DNAH6: variants seen among roughly 807,000 people sequenced by gnomAD.
The protein encoded by DNAH6 is axonemal beta dynein heavy chain 6.
A neutral mutation model predicts 491.4 loss-of-function variants in DNAH6; 340 were observed. That is an observed-to-expected ratio of 0.69 (90% CI 0.63 to 0.76). The LOEUF (loss-of-function observed/expected upper bound fraction) is 0.76, where lower values mean the gene tolerates loss of function less well. Among genes scored for constraint, DNAH6 ranks in the 30% least tolerant of loss-of-function variants. DNAH6 has a pLI of 0.00. For missense variants in DNAH6, 4,443 were observed against 4,972.2 expected (o/e 0.89, Z 3.20); for synonymous variants, 1,603 against 1,686.1 (o/e 0.95, Z 1.21).
intron 15 of DNAH6, 77 bp downstream of exon 15, chr2:84,584,327 A>G: frequency 7.2e-7 from 1 of 1,388,896 alleles, no homozygotes; most frequent in Non-Finnish European, 9.8e-7. Context: ...AGTATAATCA[A>G]CAGATAAAAA....
At chr2:84,653,916 T>G (rs766090864) in intron 34 of DNAH6, 42 bp downstream of exon 34, 2 of 1,468,378 alleles carry the variant, frequency 1.4e-6, no homozygotes, top group African/African-American at 1.4e-5. Context: ...ATTCATTAAA[T>G]TGGCATACTA....
chr2:84,718,340 A>G lies in DNAH6; in HGVS notation c.9748A>G (p.Ile3250Val). Residue 3250 changes from isoleucine (I) to valine (V), a missense_variant, in exon 59 of 77, where the codon ATT becomes GTT. Transcript: ENST00000389394. ...LRMLFTSEGN[I>V]LDNEELIDTL... Reference sequence around the variant, plus strand: ...AATGCTCTTTACCTCTGAAGGAAATATTCTGGACAATGAAGAACTTATTGA... The same window carrying G: ...AATGCTCTTTACCTCTGAAGGAAATGTTCTGGACAATGAAGAACTTATTGA... 3.9e-6 allele frequency: 6 copies of G among 1,547,672 alleles called. No individual in the cohort carries two copies. The highest frequency in any genetic ancestry group is 5.2e-6 in the Non-Finnish European group (6 of 1,145,996).
intron 51 of DNAH6, 139 bp from the exon 52 acceptor site, chr2:84,705,347 C>T (rs189245429): frequency 1.5e-4 from 132 of 870,520 alleles, no homozygotes; most frequent in Admixed American, 2.5e-4. Flanking sequence ...CACCTAACTA[C>T]CAATTACTAA....
chr2:84,808,465 C>G lies in DNAH6; in HGVS notation c.11662C>G (p.Gln3888Glu). The G allele has an allele frequency of 6.5e-7, 1 of 1,546,722 alleles. No individual in the cohort carries two copies. Among genetic ancestry groups the G allele is most frequent in the East Asian group, 2.4e-5 (1 of 40,878 alleles). Residue 3888 changes from glutamine to glutamate, a missense_variant, in exon 72 of 77, where the codon CAA (glutamine) becomes GAA (glutamate). Transcript: ENST00000389394. ...ASESLFVKDL[Q>E]GRLNSLTTVL... ...TGAGAGCCTTTTTGTCAAGGATCTT[C>G]AAGGACGTCTGAACTCCTTGACCAC...
intron 4 of DNAH6, among the ~76,000 whole-genome samples, chr2:84,533,495 A>G (rs575519322): frequency 6.6e-6 from 1 of 152,264 alleles, no homozygotes; most frequent in East Asian, 1.9e-4. Context: ...GAAGATAAGA[A>G]TACAATATTG....
Position 84,709,366 on chromosome 2 carries a change from C to T in DNAH6, c.9072C>T (p.Asp3024=). The stretch of plus-strand genomic sequence containing the variant: ...AGCTTATAGAGTGTTGGATCCAGGA[C>T]TGTCAGTCTCTGGAGATCCCAATCG... ...RQSLIECWIQ[D]CQSLEIPIDP... Residue 3024 remains aspartate, a synonymous_variant, in exon 55 of 77, where the codon GAC becomes GAT. Transcript: ENST00000389394. 6.4e-7 allele frequency: 1 copy of T among 1,551,674 alleles called. No individual in the cohort carries two copies. The highest frequency in any genetic ancestry group is 1.7e-4 in the Middle Eastern group (1 of 5,990).
intron 12 of DNAH6, among the ~76,000 whole-genome samples, chr2:84,573,831 T>C (rs1682153856): frequency 6.6e-6 from 1 of 152,230 alleles, no homozygotes; most frequent in Admixed American, 6.5e-5. Flanking sequence ...TAATCGCTTA[T>C]CATTTAGTTT....
At chr2:84,785,164 A>G (rs1442260365) in intron 66 of DNAH6, among the ~76,000 whole-genome samples, 2 of 152,208 alleles carry the variant, frequency 1.3e-5, no homozygotes, top group African/African-American at 4.8e-5. Flanking sequence ...CTGGATTTCA[A>G]TGCTGGAAGT....
In DNAH6 at chr2:84,654,636, C is replaced by G. The variant is rs149759755; in HGVS notation, c.5635-24C>G. The G allele has an allele frequency of 2.4e-4, 367 of 1,549,560 alleles. 4 individuals are homozygous for G. In the Middle Eastern group the frequency reaches 7.9e-3, roughly 33 times the overall value. On this transcript the variant is annotated intron_variant, in intron 34 of 76. Transcript: ENST00000389394. ...AAGGAAGTATCATATTAGCTGTTTCCTGTTCAATTTTCTTCAACTTTAGGT... is the reference window on the plus strand; with the variant it reads ...AAGGAAGTATCATATTAGCTGTTTCGTGTTCAATTTTCTTCAACTTTAGGT...
Position 84,727,883 on chromosome 2 carries a change from G to T in DNAH6, c.10187G>T (p.Gly3396Val). Reference protein sequence around the residue: ...SDAEWNFFLRGSAGLEKERPP... With the variant: ...SDAEWNFFLRVSAGLEKERPP... ...GCTGAATGGAATTTCTTTCTCCGAG[G>T]TTCTGCAGGATTGGAAAAGGTACCT... Residue 3396 changes from glycine (G) to valine (V), a missense_variant, in exon 61 of 77, where the codon GGT becomes GTT. Gly to Val is a moderately radical substitution (Grantham distance 109, BLOSUM62 -3). Coordinates refer to ENST00000389394, the MANE Select transcript of DNAH6 (RefSeq NM_001370.2). The T allele has an allele frequency of 6.4e-7, 1 of 1,551,048 alleles. No individual in the cohort carries two copies.
In DNAH6 at chr2:84,697,717, A is replaced by G; in HGVS notation, c.7667A>G (p.Asn2556Ser). 1 of 1,551,774 alleles carries G rather than the reference A, an allele frequency of 6.4e-7. No individual in the cohort carries two copies. Among genetic ancestry groups the G allele is most frequent in the Non-Finnish European group, 8.7e-7 (1 of 1,146,974 alleles). The change falls in exon 47 of 77, where the codon AAC (asparagine) becomes AGC (serine). Residue 2556 changes from asparagine (N) to serine (S), a missense_variant. Around this residue, in one of 3 missense-constraint regions of DNAH6, gnomAD observed 2,977 missense variants for 3,296.6 expected, o/e 0.90. Transcript: ENST00000389394. ...AAAGAAGTAGGAATTTCTGAGGGGA[A>G]CAGAGACGAGGTAGGATGTGCCAGA... ...RAKEVGISEGNRDEVFQYFIS... is the reference protein window; with the variant it reads ...RAKEVGISEGSRDEVFQYFIS...
Position 84,577,306 on chromosome 2 carries a change from G to A in DNAH6, c.1974G>A (p.Lys658=), listed in dbSNP as rs1411234934. The change falls in exon 13 of 77, where the codon AAG becomes AAA. Residue 658 remains lysine (K), a synonymous_variant. Coordinates refer to ENST00000389394, the MANE Select transcript of DNAH6 (RefSeq NM_001370.2). Reference sequence around the variant, plus strand: ...TGGAAAAATATCACAAACAGCACAAGGACGCAGTAGCGCTCAGACCCACCA... The same window carrying A: ...TGGAAAAATATCACAAACAGCACAAAGACGCAGTAGCGCTCAGACCCACCA... ...EQLEKYHKQH[K]DAVALRPTRN... 1.1e-5 allele frequency: 17 copies of A among 1,603,964 alleles called. No homozygotes were observed. The highest frequency in any genetic ancestry group is 1.4e-5 in the Non-Finnish European group (17 of 1,176,236).
intron 62 of DNAH6, among the ~76,000 whole-genome samples, chr2:84,742,483 T>C (rs540707034): frequency 6.6e-6 from 1 of 152,324 alleles, no homozygotes; most frequent in South Asian, 2.1e-4. Context: ...TACTGGCGTC[T>C]GGTGGGTAGA....
At chr2:84,751,411 C>A (rs963995157) in intron 63 of DNAH6, among the ~76,000 whole-genome samples, 17 of 152,174 alleles carry the variant, frequency 1.1e-4, no homozygotes, top group Non-Finnish European at 5.9e-5. Flanking sequence ...GATAGTCCAA[C>A]AAAGTGGCTT....
At chr2:84,468,307 T>TC in the DNAH6 span, among the ~76,000 whole-genome samples, 2 of 152,240 alleles carry the variant, frequency 1.3e-5, no homozygotes, top group African/African-American at 2.4e-5. Flanking sequence ...GTAAGATTTT[T>TC]CATTTGCCGG....
At chr2:84,520,157 G>GA (rs1433074812) in intron 2 of DNAH6, among the ~76,000 whole-genome samples, 12 of 151,836 alleles carry the variant, frequency 7.9e-5, no homozygotes, top group African/African-American at 2.4e-4. Context: ...TGGAGTTGAT[G>GA]AAAAAGTTAC....
Position 84,686,523 on chromosome 2 carries a change from T to C in DNAH6, c.7103T>C (p.Leu2368Ser), listed in dbSNP as rs1168300318. The C allele has an allele frequency of 6.5e-7, 1 of 1,541,266 alleles. No homozygotes were observed. The highest frequency in any genetic ancestry group is 8.8e-7 in the Non-Finnish European group (1 of 1,139,364). ...FGIAIDLEYF[L>S]NKPIIFGDFI... is the part of the protein sequence containing the mutation. The stretch of plus-strand genomic sequence containing the variant: ...ATTGCAATTGACCTGGAATATTTTT[T>C]GAATAAGCCCATCATATTTGGAGAT... Residue 2368 changes from leucine to serine, a missense_variant, in exon 44 of 77, where the codon TTG becomes TCG. Transcript: ENST00000389394.
intron 33 of DNAH6, among the ~76,000 whole-genome samples, chr2:84,643,010 AT>A (rs1689572026): frequency 6.6e-6 from 1 of 151,970 alleles, no homozygotes. Context: ...GACCTATGTT[AT>A]TTTTCGTCTC....
chr2:84,678,322 C>T (rs908998314), intron 41 of DNAH6, among the ~76,000 whole-genome samples: 1 of 152,096 alleles, frequency 6.6e-6, no homozygotes, highest in Admixed American at 6.5e-5. Flanking sequence ...ATAACAGCAA[C>T]CACCAAAGCC....
Sources: allele counts gnomAD v4.1 joint callset (sites outside exome capture counted in the v4.1 genomes callset), GRCh38; gene constraint gnomAD v4.1.1; regional missense constraint gnomAD v4.1.1; transcripts MANE v1.5; gene names NCBI Gene and HGNC (gene_info 2026-07-23, HGNC 2026-07-21).